Variants in SLC35F4 observed in about 807,000 individuals in gnomAD.
SLC35F4 encodes solute carrier family 35 member F4, also known as chromosome 14 open reading frame 36.
SLC35F4 carries 24 observed loss-of-function variants against 44.2 expected under a neutral mutation model. The observed-to-expected ratio is 0.54, with a 90% confidence interval of 0.39 to 0.76. The LOEUF is 0.76. Ranked by LOEUF, SLC35F4 falls within the 30% of genes least tolerant of loss-of-function variation. SLC35F4 has a pLI of 0.00. For missense variants in SLC35F4, 562 were observed against 586.1 expected, an observed-to-expected ratio of 0.96 and a Z score of 0.42; for synonymous variants, 238 against 223.6, an observed-to-expected ratio of 1.06 and a Z score of -0.57.
intron 1 of SLC35F4, among the ~76,000 whole-genome samples, chr14:57,646,107 G>C (rs958247125): frequency 5.9e-5 from 9 of 152,134 alleles, no homozygotes; most frequent in Admixed American, 4.6e-4. Flanking sequence ...GTCTCTGCCA[G>C]GTTTTGGTAT....
rs1888135606 is a variant in SLC35F4 at position 57,865,987 on chromosome 14, A to ACAGCGGCGGCGG, written c.-174_-163dup. 2 of 391,710 alleles carry ACAGCGGCGGCGG rather than the reference A, an allele frequency of 5.1e-6. No individual in the cohort carries two copies. The highest frequency in any genetic ancestry group is 2.2e-5 in the African/African-American group (1 of 45,194). The allele number at this position is 391,710 out of a possible 1,614,324, so 24.3% of individuals were successfully genotyped here. ...CCCGGCGCAGCACCGGCTCCGCATC[A>ACAGCGGCGGCGG]CAGCGGCGGCGGCGGCGGCGGCGGC... On this transcript the variant is annotated 5_prime_UTR_variant, in exon 1 of 8. Coordinates refer to ENST00000556826, the MANE Select transcript of SLC35F4 (RefSeq NM_001306087.2).
At position 57,758,115 on chromosome 14, in the gene SLC35F4, C is replaced by G. The variant is rs115914482; in HGVS notation, c.103+107608G>C. 2.2e-3 allele frequency among the ~76,000 whole-genome samples: 334 copies of G among 151,878 alleles called. 2 individuals are homozygous for G. Among genetic ancestry groups the G allele is most frequent in the African/African-American group, 7.9e-3 (326 of 41,444 alleles). Reference sequence around the variant, plus strand: ...TTATTTCTGGTGAGAAATCTGCAGACACTCTTATTTTTTTCTCTGTAAATA... The same window carrying G: ...TTATTTCTGGTGAGAAATCTGCAGAGACTCTTATTTTTTTCTCTGTAAATA... On this transcript the variant is annotated intron_variant, in intron 1 of 7. Coordinates refer to ENST00000556826, the MANE Select transcript of SLC35F4 (RefSeq NM_001306087.2).
rs1019352080 is a variant in SLC35F4 at position 57,799,934 on chromosome 14, C to A, written c.103+65789G>T. 2.6e-5 allele frequency among the ~76,000 whole-genome samples: 4 copies of A among 152,326 alleles called. No individual in the cohort carries two copies. In the East Asian group the frequency reaches 5.8e-4, roughly 22 times the overall value. ...CAGTCAACTCAGCTTTTCCAGCCTG[C>A]CAGCTGTGGAGAATACAAATAGTCC... On this transcript the variant is annotated intron_variant, in intron 1 of 7. Coordinates refer to ENST00000556826, the MANE Select transcript of SLC35F4 (RefSeq NM_001306087.2).
intron 1 of SLC35F4, among the ~76,000 whole-genome samples, chr14:57,817,708 G>A (rs971689544): frequency 1.3e-5 from 2 of 152,104 alleles, no homozygotes; most frequent in Admixed American, 6.6e-5. Flanking sequence ...AGAGCTTAAT[G>A]TTCTGGCAAA....
At chr14:57,912,931 A>T (rs74057736) in intron 1 of SLC35F4, among the ~76,000 whole-genome samples, 12 of 152,164 alleles carry the variant, frequency 7.9e-5, no homozygotes, top group South Asian at 6.2e-4. Flanking sequence ...CTTTCCTCAC[A>T]TATTTTGATG....
At chr14:57,955,953 A>T (rs1029981763) in intron 1 of SLC35F4, among the ~76,000 whole-genome samples, 3 of 152,188 alleles carry the variant, frequency 2.0e-5, no homozygotes, top group African/African-American at 7.2e-5. Flanking sequence ...TAAATTTTCT[A>T]TGGAACCAAA....
At chr14:57,586,645 G>A (rs1179748667) in intron 3 of SLC35F4, among the ~76,000 whole-genome samples, 3 of 142,746 alleles carry the variant, frequency 2.1e-5, no homozygotes, top group African/African-American at 7.9e-5. Context: ...GTGAACCCAG[G>A]AGGTGGAGCT....
chr14:57,838,880 T>G (rs376025792), intron 1 of SLC35F4, among the ~76,000 whole-genome samples: 1 of 152,094 alleles, frequency 6.6e-6, no homozygotes, highest in African/African-American at 2.4e-5. Context: ...ATGGCTGGAA[T>G]AGAGAATTCA....
At chr14:57,865,662 G>A (rs117742957) in intron 1 of SLC35F4, 61 bp downstream of exon 1, 80,288 of 1,392,426 alleles carry the variant, frequency 0.058, 2,824 homozygotes, top group Middle Eastern at 0.063. Flanking sequence ...CATCCCCGCG[G>A]CACCCCTGCG....
intron 1 of SLC35F4, among the ~76,000 whole-genome samples, chr14:57,712,356 G>A (rs899049971): frequency 2.6e-5 from 4 of 152,134 alleles, no homozygotes; most frequent in African/African-American, 7.2e-5. Context: ...TTAGTGATTC[G>A]TTTCACTTTG....
At chr14:57,624,494 A>G (rs935321849) in intron 1 of SLC35F4, among the ~76,000 whole-genome samples, 2 of 152,194 alleles carry the variant, frequency 1.3e-5, no homozygotes, top group African/African-American at 4.8e-5. Flanking sequence ...TGGGGGAGAC[A>G]CATCAAAAAA....
chr14:57,655,805 C>T (rs1235481756), intron 1 of SLC35F4, among the ~76,000 whole-genome samples: 1 of 152,156 alleles, frequency 6.6e-6, no homozygotes, highest in East Asian at 1.9e-4. Context: ...CAACCAATTA[C>T]CAACAGTGTC....
At chr14:57,663,194 A>G (rs2074193931) in intron 1 of SLC35F4, among the ~76,000 whole-genome samples, 1 of 152,200 alleles carries the variant, frequency 6.6e-6, no homozygotes, top group Non-Finnish European at 1.5e-5. Context: ...TACCTGATTC[A>G]GTTTTACCGT....
intron 1 of SLC35F4, among the ~76,000 whole-genome samples, chr14:57,807,918 G>A (rs1881524636): frequency 6.6e-6 from 1 of 151,760 alleles, no homozygotes; most frequent in Non-Finnish European, 1.5e-5. Flanking sequence ...GGCAAAGGAG[G>A]AGCAAAGGCA....
At chr14:57,812,438 C>T (rs1028211867) in intron 1 of SLC35F4, among the ~76,000 whole-genome samples, 8 of 152,124 alleles carry the variant, frequency 5.3e-5, no homozygotes, top group Non-Finnish European at 8.8e-5. Flanking sequence ...TGGAAAAGGG[C>T]GGCTTAGGGA....
At chr14:57,608,831 A>G (rs951420391) in intron 1 of SLC35F4, among the ~76,000 whole-genome samples, 4 of 151,876 alleles carry the variant, frequency 2.6e-5, no homozygotes, top group Non-Finnish European at 4.4e-5. Flanking sequence ...TTATAACAAT[A>G]CAGAAATCAA....
intron 1 of SLC35F4, among the ~76,000 whole-genome samples, chr14:57,927,711 G>A (rs1187671557): frequency 4.0e-5 from 6 of 151,850 alleles, no homozygotes; most frequent in Non-Finnish European, 8.8e-5. Flanking sequence ...GGCTGGTCTC[G>A]AACTCCTGAC....
At chr14:57,654,690 C>G (rs1446339410) in intron 1 of SLC35F4, among the ~76,000 whole-genome samples, 1 of 152,138 alleles carries the variant, frequency 6.6e-6, no homozygotes, top group African/African-American at 2.4e-5. Context: ...AATGGTTGTA[C>G]TAGTTTACAT....
chr14:57,618,892 G>C (rs1185141479), intron 1 of SLC35F4, among the ~76,000 whole-genome samples: 1 of 151,980 alleles, frequency 6.6e-6, no homozygotes, highest in African/African-American at 2.4e-5. Flanking sequence ...TGAGTAGGTG[G>C]TTTTACACTC....
Sources: gnomAD v4.1 joint callset for allele counts (sites outside exome capture counted in the v4.1 genomes callset) on GRCh38, gnomAD v4.1.1 for gene constraint, MANE v1.5 for transcripts, NCBI Gene and HGNC (gene_info 2026-07-23, HGNC 2026-07-21) for gene names.